Variants in REV3L observed in about 807,000 individuals in gnomAD.
REV3L encodes the protein DNA polymerase zeta catalytic subunit.
REV3L carries 69 observed loss-of-function variants against 299.4 expected under a neutral mutation model. That is an observed-to-expected ratio of 0.23 (90% confidence interval 0.19 to 0.28). The LOEUF is 0.28. Among genes scored for constraint, REV3L ranks in the 10% least tolerant of loss-of-function variants. The pLI, the probability that REV3L is intolerant of heterozygous loss-of-function variation, is 1.00. For missense variants in REV3L, 3,128 were observed against 3,693.8 expected (o/e 0.85, Z 3.97); for synonymous variants, 1,238 against 1,271.4 (o/e 0.97, Z 0.56).
In REV3L at chr6:111,376,100, T is replaced by A; in HGVS notation, c.2255A>T (p.Glu752Val). The A allele has an allele frequency of 6.2e-7, 1 of 1,613,604 alleles. No individual in the cohort carries two copies. Among genetic ancestry groups the A allele is most frequent in the Non-Finnish European group, 8.5e-7 (1 of 1,179,928 alleles). ...ENCELLSCSG[E>V]NRTMVHSLNS... is the part of the protein sequence containing the mutation. ...AAGAGAATGCACCATAGTTCTATTC[T>A]CCCCTGAGCATGACAGTAATTCACA... Residue 752 changes from glutamate to valine, a missense_variant, in exon 13 of 32, where the codon GAG (glutamate) becomes GTG (valine). This residue lies in a region of REV3L where 2,409 missense variants were observed against 2,611.8 expected (regional missense o/e 0.92). Coordinates refer to ENST00000368802, the MANE Select transcript of REV3L (RefSeq NM_001372078.1).
Position 111,333,302 on chromosome 6 carries a change from A to G in REV3L, c.7746T>C (p.Ser2582=), listed in dbSNP as rs773896050. Residue 2582 remains serine, a synonymous_variant, in exon 23 of 32, where the codon AGT becomes AGC. Coordinates refer to ENST00000368802, the MANE Select transcript of REV3L (RefSeq NM_001372078.1). The part of the protein sequence containing the change: ...KPMNYIPVTP[S]VQQRSQMRAP... ...CTCTCATCTGGGATCTTTGCTGAAC[A>G]CTAGGTGTCACAGGAATATAGTTCA... The G allele has an allele frequency of 3.0e-5, 48 of 1,614,154 alleles. No individual in the cohort carries two copies. The highest frequency in any genetic ancestry group is 1.6e-4 in the Middle Eastern group (1 of 6,062).
intron 14 of REV3L, among the ~76,000 whole-genome samples, chr6:111,366,651 A>G (rs1779245837): frequency 6.6e-6 from 1 of 152,170 alleles, no homozygotes; most frequent in Admixed American, 6.6e-5. Flanking sequence ...TATAATGTAG[A>G]ATGACAGGGG....
At chr6:111,478,220 C>T (rs34475955) in intron 1 of REV3L, among the ~76,000 whole-genome samples, 76 of 152,272 alleles carry the variant, frequency 5.0e-4, no homozygotes, top group Non-Finnish European at 7.8e-4. Context: ...ACATGTCTCC[C>T]AATGAATCCT....
At chr6:111,347,696 T>C (rs1229426577) in intron 20 of REV3L, among the ~76,000 whole-genome samples, 1 of 152,220 alleles carries the variant, frequency 6.6e-6, no homozygotes, top group Non-Finnish European at 1.5e-5. Context: ...TTCTGTTTTG[T>C]CTTTTTTGAG....
intron 6 of REV3L, 29 bp from the exon 7 acceptor site, chr6:111,389,239 C>T (rs1781655357): frequency 1.3e-6 from 2 of 1,515,424 alleles, no homozygotes; most frequent in Non-Finnish European, 9.1e-7. Flanking sequence ...TTCAATACTA[C>T]AGGGTCAAAG....
At chr6:111,357,550 G>A (rs1238930723) in intron 17 of REV3L, among the ~76,000 whole-genome samples, 1 of 152,096 alleles carries the variant, frequency 6.6e-6, no homozygotes, top group Admixed American at 6.5e-5. Flanking sequence ...AGAATTAGCT[G>A]GGCATGGTGG....
chr6:111,307,595 A>T lies in REV3L; in HGVS notation c.9043-25T>A, dbSNP rs755789126. ...TCTATAAAAACATCCATTCAGAAGT[A>T]AGCCTGAGTCAGCTTCACAGCAAAG... On this transcript the variant is annotated intron_variant, in intron 30 of 31. Transcript: ENST00000368802. The T allele has an allele frequency of 8.1e-6, 13 of 1,609,720 alleles. No homozygotes were observed. In the South Asian group the frequency reaches 1.4e-4, roughly 18 times the overall value.
At chr6:111,359,065 C>G in intron 16 of REV3L, 51 bp from the exon 17 acceptor site, 1 of 1,474,412 alleles carries the variant, frequency 6.8e-7, no homozygotes, top group African/African-American at 1.4e-5. Context: ...TAAAGACATG[C>G]TCAAAGAAGT....
intron 16 of REV3L, 74 bp downstream of exon 16, chr6:111,363,779 C>T (rs961871494): frequency 4.7e-5 from 69 of 1,473,970 alleles, no homozygotes; most frequent in Non-Finnish European, 6.0e-5. Flanking sequence ...TAAAAAAATT[C>T]CATACTTGTT....
At chr6:111,442,703 C>T (rs942249886) in intron 1 of REV3L, among the ~76,000 whole-genome samples, 1 of 152,148 alleles carries the variant, frequency 6.6e-6, no homozygotes, top group African/African-American at 2.4e-5. Flanking sequence ...CTAACCTGCT[C>T]TCTTTTGGCC....
rs1216141605 is a variant in REV3L at position 111,373,344 on chromosome 6, G to T, written c.5011C>A (p.Gln1671Lys). Residue 1671 changes from glutamine (Q) to lysine (K), a missense_variant, in exon 13 of 32, where the codon CAG becomes AAG. Gln to Lys is a moderately conservative substitution (Grantham distance 53). Transcript: ENST00000368802. The stretch of plus-strand genomic sequence containing the variant: ...CTTAGGAACTTCTGAGGCAAATTCT[G>T]ATCAGCTGGGACAAACTGACTTCCA... ...YSGSQFVPAD[Q>K]NLPQKFLSDA... 4 of 1,613,848 alleles carry T rather than the reference G, an allele frequency of 2.5e-6. No individual in the cohort carries two copies. The highest frequency in any genetic ancestry group is 2.2e-5 in the South Asian group (2 of 91,024).
chr6:111,394,028 C>T (rs1176934748), intron 4 of REV3L, among the ~76,000 whole-genome samples: 5 of 152,144 alleles, frequency 3.3e-5, no homozygotes, highest in Non-Finnish European at 5.9e-5. Flanking sequence ...ATCCATTCAT[C>T]CACTGATGTG....
intron 31 of REV3L, among the ~76,000 whole-genome samples, chr6:111,300,850 A>C (rs766758682): frequency 9.9e-5 from 15 of 152,204 alleles, no homozygotes; most frequent in Non-Finnish European, 1.8e-4. Context: ...ATTGTTTGTA[A>C]AGCATGTGTG....
intron 30 of REV3L, chr6:111,308,136 T>C (rs1054658665): frequency 5.8e-6 from 2 of 344,968 alleles, no homozygotes; most frequent in African/African-American, 2.2e-5. Context: ...TATGGCTGCA[T>C]AGTATTCCAT....
chr6:111,386,717 ATTTT>A (rs67124715), intron 9 of REV3L, among the ~76,000 whole-genome samples: 3 of 97,668 alleles, frequency 3.1e-5, no homozygotes, highest in Admixed American at 1.2e-4. Context: ...TAACAGCACT[ATTTT>A]TTTTTTTTTT....
At chr6:111,317,593 A>G (rs1349738884) in intron 26 of REV3L, among the ~76,000 whole-genome samples, 1 of 152,122 alleles carries the variant, frequency 6.6e-6, no homozygotes, top group Admixed American at 6.5e-5. Flanking sequence ...CTCCTTCACA[A>G]TAATTTTTCA....
intron 1 of REV3L, among the ~76,000 whole-genome samples, chr6:111,480,883 T>C (rs1199854878): frequency 6.7e-6 from 1 of 150,044 alleles, no homozygotes; most frequent in Non-Finnish European, 1.5e-5. Context: ...TTGTGGGATG[T>C]CCATGAAGGA....
chr6:111,315,464 C>G (rs902376626), intron 26 of REV3L, 83 bp from the exon 27 acceptor site: 2 of 1,002,764 alleles, frequency 2.0e-6, no homozygotes, highest in Non-Finnish European at 3.0e-6. Context: ...CTGGCTATGA[C>G]TCTTGTCTAA....
At chr6:111,323,328 A>G (rs766531385) in intron 25 of REV3L, among the ~76,000 whole-genome samples, 1 of 152,184 alleles carries the variant, frequency 6.6e-6, no homozygotes, top group Non-Finnish European at 1.5e-5. Flanking sequence ...CATCAGGCAG[A>G]AAAGCACTCT....
Sources: allele counts gnomAD v4.1 joint callset (sites outside exome capture counted in the v4.1 genomes callset), GRCh38; gene constraint gnomAD v4.1.1; regional missense constraint gnomAD v4.1.1; transcripts MANE v1.5; gene names NCBI Gene and HGNC (gene_info 2026-07-23, HGNC 2026-07-21).